The following EXOSC7 variants were observed in gnomAD, a reference collection of about 807,000 sequenced individuals.
EXOSC7 encodes the protein exosome complex component RRP42.
EXOSC7 carries 25 observed loss-of-function variants against 34.3 expected under a neutral mutation model. That is an observed-to-expected ratio of 0.73 (90% CI 0.53 to 1.02). The LOEUF (loss-of-function observed/expected upper bound fraction) is 1.02. Among genes scored for constraint, EXOSC7 ranks in the 50% least tolerant of loss-of-function variants. The probability of loss-of-function intolerance (pLI) is 0.00; values close to 1 mark genes in which losing one functional copy is unlikely to be tolerated. For synonymous variants in EXOSC7, 130 were observed against 143.0 expected, an observed-to-expected ratio of 0.91 and a Z score of 0.65; for missense variants, 370 against 368.5, an observed-to-expected ratio of 1.00 and a Z score of -0.03.
intron 3 of EXOSC7, among the ~76,000 whole-genome samples, chr3:44,995,018 C>T (rs995018390): frequency 1.3e-5 from 2 of 152,066 alleles, no homozygotes; most frequent in Non-Finnish European, 2.9e-5. Context: ...GAGTTTCACT[C>T]TTGTTGACCA....
rs773101876 is a variant in EXOSC7 at position 44,997,164 on chromosome 3, G to A, written c.332G>A (p.Arg111Gln). ...ACCGAGATCGCTAACACCCTCTATC[G>A]GATATTTAACAATAAAAGCAGTGTC... is the stretch of plus-strand genomic sequence containing the variant. ...LGTEIANTLY[R>Q]IFNNKSSVDL... Residue 111 changes from arginine (R) to glutamine (Q), a missense_variant, in exon 4 of 8, where the codon CGG becomes CAG. Physicochemically the swap from Arg to Gln is conservative, Grantham distance 43. This residue lies in a region of EXOSC7 where 255 missense variants were observed against 246.4 expected (regional missense o/e 1.03). Coordinates refer to ENST00000265564, the MANE Select transcript of EXOSC7 (RefSeq NM_015004.4). The A allele has an allele frequency of 1.2e-5, 19 of 1,613,874 alleles. No homozygotes were observed. The highest frequency in any genetic ancestry group is 4.4e-5 in the South Asian group (4 of 91,036).
At chr3:44,979,001 C>T (rs1026495607) in intron 1 of EXOSC7, among the ~76,000 whole-genome samples, 8 of 152,156 alleles carry the variant, frequency 5.3e-5, no homozygotes, top group African/African-American at 1.9e-4. Context: ...ACCTCCCTCT[C>T]ACCAGTACCA....
Position 44,989,596 on chromosome 3 carries a change from C to G in EXOSC7, c.206C>G (p.Pro69Arg), listed in dbSNP as rs747870577. 1.9e-6 allele frequency: 3 copies of G among 1,613,854 alleles called. No individual in the cohort carries two copies. The highest frequency in any genetic ancestry group is 2.5e-6 in the Non-Finnish European group (3 of 1,179,934). The change falls in exon 3 of 8, where the codon CCG becomes CGG. Residue 69 changes from proline (P) to arginine (R), a missense_variant. Physicochemically the swap from Pro to Arg is moderately radical, Grantham distance 103 (BLOSUM62 -2). This residue lies in a region of EXOSC7 where 20 missense variants were observed against 42.2 expected (regional missense o/e 0.47). Transcript: ENST00000265564. ...GGAGTGAAAGCAGAAATGGGGACGCCGAAGCTGGAGAAACCAAATGAAGGC... is the reference window on the plus strand; with the variant it reads ...GGAGTGAAAGCAGAAATGGGGACGCGGAAGCTGGAGAAACCAAATGAAGGC... ...LVGVKAEMGT[P>R]KLEKPNEGYL...
downstream of EXOSC7, among the ~76,000 whole-genome samples, chr3:45,011,897 C>T (rs1161373198): frequency 2.0e-5 from 3 of 152,210 alleles, no homozygotes; most frequent in East Asian, 5.8e-4. Flanking sequence ...TTAGTGGCAG[C>T]CACTTTGGCC....
chr3:45,001,915 T>C, intron 5 of EXOSC7: 1 of 325,786 alleles, frequency 3.1e-6, no homozygotes, highest in Non-Finnish European at 5.7e-6. Flanking sequence ...ACAGGCCAAC[T>C]ATCCAAATAC....
At chr3:45,003,343 GT>G (rs1706936686) in intron 5 of EXOSC7, among the ~76,000 whole-genome samples, 1 of 80,332 alleles carries the variant, frequency 1.2e-5, no homozygotes, top group Non-Finnish European at 2.8e-5. Context: ...GCGTGCGTGC[GT>G]GCGTGCGTGT....
chr3:44,992,634 CT>C (rs1706604405), intron 3 of EXOSC7, among the ~76,000 whole-genome samples: 1 of 152,120 alleles, frequency 6.6e-6, no homozygotes, highest in African/African-American at 2.4e-5. Flanking sequence ...CTTTTCATGT[CT>C]TTGGTTTGCT....
Position 45,001,574 on chromosome 3 carries a change from T to A in EXOSC7, c.457T>A (p.Ser153Thr). Residue 153 changes from serine to threonine, a missense_variant, in exon 5 of 8, where the codon TCC (serine) becomes ACC (threonine). By Grantham distance (58) the Ser-to-Thr change is moderately conservative (BLOSUM62 1). Transcript: ENST00000265564. ...TGGTGGAAATTTGTTTGATGCCATT[T>A]CCATTGCTGTAAAGGCTGCTCTCTT... ...ECGGNLFDAI[S>T]IAVKAALFNT... 1.9e-6 allele frequency: 3 copies of A among 1,613,888 alleles called. No homozygotes were observed. Among genetic ancestry groups the A allele is most frequent in the Non-Finnish European group, 2.5e-6 (3 of 1,179,748 alleles).
intron 5 of EXOSC7, chr3:45,004,537 T>C (rs1372635747): frequency 6.6e-6 from 1 of 150,662 alleles, no homozygotes; most frequent in Non-Finnish European, 1.5e-5. Flanking sequence ...ATTACAGGCA[T>C]GAGCCACCAT....
chr3:44,981,904 A>T (rs1706279702), intron 1 of EXOSC7, among the ~76,000 whole-genome samples: 1 of 152,228 alleles, frequency 6.6e-6, no homozygotes, highest in South Asian at 2.1e-4. Context: ...GAAAAAGAAA[A>T]AAGAGAAGGG....
chr3:44,997,996 T>G (rs1171652657), intron 4 of EXOSC7, among the ~76,000 whole-genome samples: 1 of 152,028 alleles, frequency 6.6e-6, no homozygotes, highest in African/African-American at 2.4e-5. Context: ...CACTCGACAG[T>G]AACTTCTCTG....
intron 2 of EXOSC7, 79 bp from the exon 3 acceptor site, chr3:44,989,471 T>C (rs936095886): frequency 6.8e-6 from 8 of 1,173,096 alleles, no homozygotes; most frequent in Non-Finnish European, 7.6e-6. Flanking sequence ...CCCAGGGGTG[T>C]ATGTCCAGAA....
At chr3:44,977,103 C>T (rs948040459) in intron 1 of EXOSC7, 1 of 152,206 alleles carries the variant, frequency 6.6e-6, no homozygotes, top group African/African-American at 2.4e-5. Context: ...GAACTAAGAT[C>T]CCTAGGCAGC....
intron 7 of EXOSC7, among the ~76,000 whole-genome samples, chr3:45,008,174 AG>A (rs1185879732): frequency 2.6e-5 from 4 of 152,344 alleles, no homozygotes; most frequent in East Asian, 3.9e-4. Context: ...CTGGCCTGGA[AG>A]CCCCGCAGGG....
chr3:44,997,158 T>G lies in EXOSC7; in HGVS notation c.326T>G (p.Leu109Arg), dbSNP rs201815178. The change falls in exon 4 of 8, where the codon CTC (leucine) becomes CGC (arginine). Residue 109 changes from leucine to arginine, a missense_variant. Around this residue, in one of 3 missense-constraint regions of EXOSC7, gnomAD observed 255 missense variants for 246.4 expected, o/e 1.03. Transcript: ENST00000265564. ...DDLGTEIANT[L>R]YRIFNNKSSV... ...CTTGGCACCGAGATCGCTAACACCC[T>G]CTATCGGATATTTAACAATAAAAGC... 6.2e-7 allele frequency: 1 copy of G among 1,614,134 alleles called. No homozygotes were observed. The highest frequency in any genetic ancestry group is 1.7e-5 in the Admixed American group (1 of 60,026).
intron 7 of EXOSC7, among the ~76,000 whole-genome samples, chr3:45,007,875 G>C (rs1292073220): frequency 6.6e-6 from 1 of 152,204 alleles, no homozygotes; most frequent in Non-Finnish European, 1.5e-5. Context: ...AATGTAAAGA[G>C]CCACTCGTAA....
intron 7 of EXOSC7, among the ~76,000 whole-genome samples, chr3:45,010,393 G>A (rs972557980): frequency 6.6e-6 from 1 of 151,766 alleles, no homozygotes; most frequent in Admixed American, 6.6e-5. Context: ...GTCTACAGGC[G>A]CATACCACCA....
intron 1 of EXOSC7, among the ~76,000 whole-genome samples, chr3:44,985,507 G>C (rs568749837): frequency 3.6e-4 from 55 of 152,022 alleles, no homozygotes; most frequent in African/African-American, 1.3e-3. Flanking sequence ...TGAAGCTGCA[G>C]ACCTTCATGG....
intron 1 of EXOSC7, among the ~76,000 whole-genome samples, chr3:44,979,723 T>G (rs531663509): frequency 1.3e-5 from 2 of 152,338 alleles, no homozygotes; most frequent in South Asian, 4.1e-4. Flanking sequence ...CGTTCAGTTC[T>G]GAACTCATGT....
Sources: gnomAD v4.1 joint callset for allele counts (sites outside exome capture counted in the v4.1 genomes callset) on GRCh38, gnomAD v4.1.1 for gene constraint, gnomAD v4.1.1 regional missense constraint, MANE v1.5 for transcripts, NCBI Gene and HGNC (gene_info 2026-07-23, HGNC 2026-07-21) for gene names.